The following SEL1L variants were observed in gnomAD, a reference collection of about 807,000 sequenced individuals.
SEL1L encodes protein sel-1 homolog 1.
In SEL1L, 52 loss-of-function variants were observed where a neutral mutation model predicts 109.8. The ratio of observed to expected loss-of-function variants is 0.47; its 90% confidence interval spans 0.38 to 0.60. The LOEUF is 0.60. Among genes scored for constraint, SEL1L ranks in the 20% least tolerant of loss-of-function variants. The probability of loss-of-function intolerance (pLI) is 0.00; values close to 1 mark genes in which losing one functional copy is unlikely to be tolerated. For missense variants in SEL1L, 749 were observed against 962.2 expected (o/e 0.78, Z 2.93); for synonymous variants, 373 against 339.6 (o/e 1.10, Z -1.08).
intron 15 of SEL1L, 52 bp from the exon 16 acceptor site, chr14:81,487,590 G>A: frequency 6.4e-7 from 1 of 1,568,882 alleles, no homozygotes; most frequent in African/African-American, 1.4e-5. Context: ...ATTTAGCTAA[G>A]TATCAGAGAA....
At chr14:81,502,670 AAACT>A (rs1884062470) in intron 6 of SEL1L, 47 bp downstream of exon 6, 5 of 1,561,914 alleles carry the variant, frequency 3.2e-6, no homozygotes, top group Non-Finnish European at 4.3e-6. Context: ...ACTGCTTTTA[AAACT>A]AACAAGTGTT....
rs1465532676 is a variant in SEL1L, at chr14:81,475,166, A to G, written c.*1806T>C. ...AAAGTACTGTACCAACTGCACTCAAATCTCTACATGTAAGAGACCAAACAA... is the reference window on the plus strand; with the variant it reads ...AAAGTACTGTACCAACTGCACTCAAGTCTCTACATGTAAGAGACCAAACAA... On this transcript the variant is annotated 3_prime_UTR_variant, in exon 21 of 21. Transcript: ENST00000336735. 1 of 152,208 alleles carries G rather than the reference A, an allele frequency of 6.6e-6. No homozygotes were observed. The highest frequency in any genetic ancestry group is 1.5e-5 in the Non-Finnish European group (1 of 68,032). The allele number at this position is 152,208 out of a possible 1,614,324, so 9.4% of individuals were successfully genotyped here.
intron 3 of SEL1L, among the ~76,000 whole-genome samples, chr14:81,523,143 A>T (rs1273678380): frequency 6.6e-6 from 1 of 152,154 alleles, no homozygotes; most frequent in East Asian, 1.9e-4. Flanking sequence ...TGGTGGCTGG[A>T]GGTTCCTAGA....
intron 1 of SEL1L, among the ~76,000 whole-genome samples, chr14:81,531,516 T>C (rs541737847): frequency 3.7e-4 from 56 of 152,308 alleles, no homozygotes; most frequent in African/African-American, 1.3e-3. Context: ...TGAAAATCCA[T>C]AGCTTAATTT....
chr14:81,500,990 AATC>A (rs1883983906), intron 6 of SEL1L, among the ~76,000 whole-genome samples: 3 of 152,192 alleles, frequency 2.0e-5, no homozygotes. Flanking sequence ...TGCTCACTGA[AATC>A]ATGAGCTCCT....
At chr14:81,516,493 T>C (rs938171101) in intron 3 of SEL1L, among the ~76,000 whole-genome samples, 6 of 152,176 alleles carry the variant, frequency 3.9e-5, no homozygotes, top group African/African-American at 1.4e-4. Flanking sequence ...TCTACATGAA[T>C]ATGGGGAACA....
At chr14:81,504,135 G>A in intron 5 of SEL1L, 66 bp downstream of exon 5, 2 of 920,456 alleles carry the variant, frequency 2.2e-6, no homozygotes, top group Non-Finnish European at 3.2e-6. Context: ...TTTAAAGAAT[G>A]TAGTTGCTAT....
chr14:81,485,505 C>T (rs945134129), intron 18 of SEL1L, among the ~76,000 whole-genome samples, 167 bp downstream of exon 18: 2 of 149,628 alleles, frequency 1.3e-5, no homozygotes, highest in Non-Finnish European at 3.0e-5. Flanking sequence ...AGGCTGGTTT[C>T]GGTTTCGAAC....
At chr14:81,483,103 C>T (rs936636335) in intron 19 of SEL1L, among the ~76,000 whole-genome samples, 1 of 152,192 alleles carries the variant, frequency 6.6e-6, no homozygotes, top group Non-Finnish European at 1.5e-5. Flanking sequence ...TGATTTTTGG[C>T]ATCTAACTCT....
chr14:81,512,222 T>C (rs1236353304), intron 3 of SEL1L, among the ~76,000 whole-genome samples: 5 of 152,196 alleles, frequency 3.3e-5, no homozygotes, highest in African/African-American at 1.2e-4. Flanking sequence ...ACCCAATCAG[T>C]TGAAGGACTG....
At chr14:81,524,624 C>T (rs565360269) in intron 3 of SEL1L, among the ~76,000 whole-genome samples, 1 of 152,344 alleles carries the variant, frequency 6.6e-6, no homozygotes, top group South Asian at 2.1e-4. Flanking sequence ...GTAATCCCAG[C>T]ACTGTGGGAG....
intron 11 of SEL1L, 68 bp from the exon 12 acceptor site, chr14:81,492,616 T>A: frequency 9.5e-7 from 1 of 1,049,600 alleles, no homozygotes; most frequent in South Asian, 1.5e-5. Flanking sequence ...TCAGCCAAAA[T>A]AATTATTTCA....
At chr14:81,513,500 C>T (rs1033148065) in intron 3 of SEL1L, among the ~76,000 whole-genome samples, 9 of 152,152 alleles carry the variant, frequency 5.9e-5, no homozygotes, top group Non-Finnish European at 1.2e-4. Context: ...CGCGAGAGTC[C>T]GTGGCTTCAT....
At chr14:81,518,659 TAAAAAAA>T (rs35790401) in intron 3 of SEL1L, among the ~76,000 whole-genome samples, 2 of 84,490 alleles carry the variant, frequency 2.4e-5, no homozygotes, top group Non-Finnish European at 4.8e-5. Flanking sequence ...AGACTTCGTC[TAAAAAAA>T]AAAAAAAAAA....
chr14:81,487,854 C>G lies in SEL1L; in HGVS notation c.1483+1G>C. ...CCATCATTAATTCCAGTGTTACTTA[C>G]TATAGTACATGGAACCAAGCTGTAG... On this transcript the variant is annotated splice_donor_variant, in intron 15 of 20. Transcript: ENST00000336735. LOFTEE classifies it high-confidence loss of function. The G allele has an allele frequency of 1.2e-6, 2 of 1,613,576 alleles. No individual in the cohort carries two copies. The highest frequency in any genetic ancestry group is 1.7e-6 in the Non-Finnish European group (2 of 1,179,782).
chr14:81,481,383 T>C (rs533493478), intron 19 of SEL1L, among the ~76,000 whole-genome samples: 3 of 152,304 alleles, frequency 2.0e-5, no homozygotes, highest in East Asian at 1.9e-4. Context: ...TTCTTGTCCT[T>C]AGGGTGTGTC....
rs34289277 is a variant in SEL1L, at chr14:81,530,330, CAT to C, written c.71-2594_71-2593del. 6.0e-3 allele frequency among the ~76,000 whole-genome samples: 913 copies of C among 152,312 alleles called. 10 individuals carry two copies. The highest frequency in any genetic ancestry group is 0.021 in the African/African-American group (865 of 41,566). ...CTAGGTCTGGAACCTGGCTTCATCACATGTTAATTCTGACACATGGTTCAGTA... is the reference window on the plus strand; with the variant it reads ...CTAGGTCTGGAACCTGGCTTCATCACGTTAATTCTGACACATGGTTCAGTA... On this transcript the variant is annotated intron_variant, in intron 1 of 20. Transcript: ENST00000336735.
intron 19 of SEL1L, among the ~76,000 whole-genome samples, chr14:81,481,587 TATC>T (rs1202029869): frequency 6.6e-6 from 1 of 152,242 alleles, no homozygotes; most frequent in African/African-American, 2.4e-5. Flanking sequence ...AATTAAAACT[TATC>T]AAATAATATG....
intron 3 of SEL1L, among the ~76,000 whole-genome samples, chr14:81,511,324 C>T (rs61986624): frequency 1.3e-5 from 2 of 152,316 alleles, no homozygotes; most frequent in Non-Finnish European, 2.9e-5. Flanking sequence ...GAAAGCAGCA[C>T]AATCACTGGC....
Sources: allele counts gnomAD v4.1 joint callset (sites outside exome capture counted in the v4.1 genomes callset), GRCh38; gene constraint gnomAD v4.1.1; transcripts MANE v1.5; gene names NCBI Gene and HGNC (gene_info 2026-07-23, HGNC 2026-07-21).